Variants in WSCD1 observed in about 807,000 individuals in gnomAD.
The protein encoded by WSCD1 is WSC domain sialate O sulfotransferase 1.
Under a neutral mutation model 60.4 loss-of-function variants are expected in WSCD1, and 41 were observed. That is an observed-to-expected ratio of 0.68 (90% CI 0.53 to 0.88). The LOEUF (loss-of-function observed/expected upper bound fraction) is 0.88, where lower values mean the gene tolerates loss of function less well. Ranked by LOEUF, WSCD1 falls within the 40% of genes least tolerant of loss-of-function variation. The pLI is 0.00. For missense variants in WSCD1, 784 were observed against 796.2 expected, an observed-to-expected ratio of 0.98 and a Z score of 0.18; for synonymous variants, 361 against 332.5, an observed-to-expected ratio of 1.09 and a Z score of -0.93.
At chr17:6,086,321 A>G (rs189642690) in intron 2 of WSCD1, among the ~76,000 whole-genome samples, 423 of 145,896 alleles carry the variant, frequency 2.9e-3, no homozygotes, top group African/African-American at 0.011. Context: ...GATAATAAAT[A>G]GTACTATAAT....
chr17:6,087,433 A>G (rs1182716926), intron 2 of WSCD1, among the ~76,000 whole-genome samples: 1 of 152,222 alleles, frequency 6.6e-6, no homozygotes, highest in African/African-American at 2.4e-5. Flanking sequence ...CTCTGCGGAC[A>G]CACTCCAGAG....
chr17:6,109,670 A>T lies in WSCD1; in HGVS notation c.913A>T (p.Asn305Tyr), dbSNP rs1417188984. ...CTGTGCTTACCCTACCCCCCGGTTC[A>T]ACCTGCGGGATGCCATGGACAGCTC... Reference protein sequence around the residue: ...CYCAYPTPRFNLRDAMDSSVC... With the variant: ...CYCAYPTPRFYLRDAMDSSVC... Residue 305 changes from asparagine (N) to tyrosine (Y), a missense_variant, in exon 6 of 9, where the codon AAC (asparagine) becomes TAC (tyrosine). Asn to Tyr is a moderately radical substitution (Grantham distance 143). Transcript: ENST00000317744. The T allele has an allele frequency of 6.2e-7, 1 of 1,614,152 alleles. No individual in the cohort carries two copies. The highest frequency in any genetic ancestry group is 1.7e-5 in the Admixed American group (1 of 60,024).
intron 5 of WSCD1, 28 bp downstream of exon 5, chr17:6,095,251 C>T (rs546781290): frequency 6.2e-7 from 1 of 1,606,196 alleles, no homozygotes; most frequent in South Asian, 1.1e-5. Context: ...TTTCACAACC[C>T]TTTCCTTTAA....
rs968609070 is a variant in WSCD1, at chr17:6,091,680, G to C, written c.727+1175G>C. Among the ~76,000 whole-genome samples the C allele has an allele frequency of 2.0e-5, 3 of 152,202 alleles. 1 individual carries two copies. Among genetic ancestry groups the C allele is most frequent in the Non-Finnish European group, 4.4e-5 (3 of 68,036 alleles). Reference sequence around the variant, plus strand: ...GGCCATTCTTTTCATGGCTGGGAGAGGCAGATTGGGAAGGAGTCAGAGCCT... The same window carrying C: ...GGCCATTCTTTTCATGGCTGGGAGACGCAGATTGGGAAGGAGTCAGAGCCT... On this transcript the variant is annotated intron_variant, in intron 4 of 8. Transcript: ENST00000317744.
At position 6,110,691 on chromosome 17, in the gene WSCD1, G is replaced by T. The variant is rs972842866; in HGVS notation, c.1010-80G>T. The T allele has an allele frequency of 2.0e-5, 30 of 1,494,836 alleles. No individual in the cohort carries two copies. Among genetic ancestry groups the T allele is most frequent in the Non-Finnish European group, 2.6e-5 (29 of 1,110,364 alleles). The allele number at this position is 1,494,836 out of a possible 1,614,324, so 92.6% of individuals were successfully genotyped here. On this transcript the variant is annotated intron_variant, in intron 6 of 8. Coordinates refer to ENST00000317744, the MANE Select transcript of WSCD1 (RefSeq NM_015253.2). This position sits in a 1 kb window ranked among gnomAD's most constrained non-coding sequence, Gnocchi z 4.8. ...ATTAAATGGGAGTCTTCGTTCATCA[G>T]TTCCTCTAAGGGAGTTTAGTGGTGA...
chr17:6,097,405 C>T (rs1910510055), intron 5 of WSCD1, among the ~76,000 whole-genome samples: 1 of 152,258 alleles, frequency 6.6e-6, no homozygotes, highest in South Asian at 2.1e-4. Flanking sequence ...ATGTCTACTT[C>T]CAGAGAGACT....
At chr17:6,092,142 A>C (rs1278043976) in intron 4 of WSCD1, among the ~76,000 whole-genome samples, 2 of 137,168 alleles carry the variant, frequency 1.5e-5, no homozygotes, top group Admixed American at 1.5e-4. Flanking sequence ...CGACAGAGTG[A>C]GACTCTGTCT....
intron 7 of WSCD1, among the ~76,000 whole-genome samples, chr17:6,112,180 A>T (rs1056069910): frequency 6.6e-6 from 1 of 152,240 alleles, no homozygotes; most frequent in African/African-American, 2.4e-5. Context: ...AAAAGCAAGA[A>T]CAAGCCAATC....
Position 6,118,163 on chromosome 17 carries a change from A to C in WSCD1, c.1350A>C (p.Ala450=). Residue 450 remains alanine, a synonymous_variant, in exon 8 of 9, where the codon GCA becomes GCC. Coordinates refer to ENST00000317744, the MANE Select transcript of WSCD1 (RefSeq NM_015253.2). This position sits in a 1 kb window ranked among gnomAD's most constrained non-coding sequence, Gnocchi z 5.8. ...AATGTGCCGGGCACCTGGGATATGC[A>C]GCTGACCGCAACTGGAAGAGCAAAG... ...NRKCAGHLGY[A]ADRNWKSKEW... is the part of the protein sequence containing the mutation. The C allele has an allele frequency of 6.2e-7, 1 of 1,614,134 alleles. No homozygotes were observed. The highest frequency in any genetic ancestry group is 8.5e-7 in the Non-Finnish European group (1 of 1,180,008).
In WSCD1 at chr17:6,124,089, C is replaced by T. The variant is rs560586147; in HGVS notation, c.*3428C>T. 6.6e-6 allele frequency: 1 copy of T among 152,298 alleles called. No homozygotes were observed. Among genetic ancestry groups the T allele is most frequent in the African/African-American group, 2.4e-5 (1 of 41,560 alleles). The allele number at this position is 152,298 out of a possible 1,614,324, so 9.4% of individuals were successfully genotyped here. ...CCAATGACACCTTCCATCTTTCCAG[C>T]TATGGTGACTGGGTTAGGTATGATC... is the stretch of plus-strand genomic sequence containing the variant. On this transcript the variant is annotated 3_prime_UTR_variant, in exon 9 of 9. Coordinates refer to ENST00000317744, the MANE Select transcript of WSCD1 (RefSeq NM_015253.2).
chr17:6,075,796 C>T lies in WSCD1; in HGVS notation c.-288-4575C>T, dbSNP rs1017146309. ...GGGATAGAACCCCTCTAGCCTCCCC[C>T]TGAAGCACTCTGCAGGGTTCCAAGA... is the stretch of plus-strand genomic sequence containing the variant. On this transcript the variant is annotated intron_variant, in intron 1 of 8. Transcript: ENST00000317744. The surrounding 1 kb of genome is among the most constrained non-coding windows in gnomAD (Gnocchi z 4.1). Among the ~76,000 whole-genome samples, 4 of 152,308 alleles carry T rather than the reference C, an allele frequency of 2.6e-5. No homozygotes were observed. The highest frequency in any genetic ancestry group is 3.4e-3 in the Middle Eastern group (1 of 292).
upstream of WSCD1, among the ~76,000 whole-genome samples, chr17:6,069,774 GGTGTGTGTGT>G (rs746125445): frequency 2.5e-4 from 27 of 106,586 alleles, no homozygotes; most frequent in African/African-American, 9.0e-4. Flanking sequence ...ACGGTGATCC[GGTGTGTGTGT>G]GTGTGTGTGT....
intron 1 of WSCD1, chr17:6,078,067 ATG>A: frequency 6.6e-6 from 1 of 152,382 alleles, no homozygotes; most frequent in Middle Eastern, 3.4e-3. Context: ...GGCTTCATCC[ATG>A]GCTCTGGGTA....
chr17:6,080,147 T>A lies in WSCD1; in HGVS notation c.-288-224T>A, dbSNP rs1909130127. The A allele has an allele frequency of 6.2e-6, 1 of 160,380 alleles. No individual in the cohort carries two copies. The highest frequency in any genetic ancestry group is 2.4e-5 in the African/African-American group (1 of 41,514). The allele number at this position is 160,380 out of a possible 1,614,324, so 9.9% of individuals were successfully genotyped here. A position where few individuals can be genotyped will look rare whatever the true frequency, so the allele number is the denominator to read the frequency against. ...CTCAAGGGGAGAGCTGTTGTCCCCA[T>A]TTTACAGATGGGGAAGCTGAGGCCC... On this transcript the variant is annotated intron_variant, in intron 1 of 8. Coordinates refer to ENST00000317744, the MANE Select transcript of WSCD1 (RefSeq NM_015253.2). This position sits in a 1 kb window ranked among gnomAD's most constrained non-coding sequence, Gnocchi z 6.6.
At chr17:6,108,856 G>A (rs1300553694) in intron 5 of WSCD1, among the ~76,000 whole-genome samples, 1 of 152,216 alleles carries the variant, frequency 6.6e-6, no homozygotes, top group Non-Finnish European at 1.5e-5. Context: ...CACAGAGTGA[G>A]ACGACTCCTC....
At chr17:6,120,277 C>G in intron 8 of WSCD1, 32 bp from the exon 9 acceptor site, 1 of 1,595,148 alleles carries the variant, frequency 6.3e-7, no homozygotes, top group Non-Finnish European at 8.6e-7. Context: ...GGGCCAGCCC[C>G]CGACTCTGCA....
At chr17:6,069,230 C>T, upstream of WSCD1, 1 of 398,774 alleles carries the variant, frequency 2.5e-6, no homozygotes, top group African/African-American at 2.1e-5. Flanking sequence ...TCCACCGGTG[C>T]ACATGGCAGA....
intron 1 of WSCD1, among the ~76,000 whole-genome samples, chr17:6,076,079 G>A (rs1017056848): frequency 2.6e-5 from 4 of 152,182 alleles, no homozygotes; most frequent in East Asian, 1.9e-4. Flanking sequence ...GTGTGAAACC[G>A]GAGCTGGGAT....
chr17:6,086,272 T>C (rs990761141), intron 2 of WSCD1, among the ~76,000 whole-genome samples: 2 of 143,496 alleles, frequency 1.4e-5, no homozygotes, highest in Non-Finnish European at 1.5e-5. Context: ...TATATATATA[T>C]ATACTTATGT....
Sources: gnomAD v4.1 joint callset for allele counts (sites outside exome capture counted in the v4.1 genomes callset) on GRCh38, gnomAD v4.1.1 for gene constraint, Gnocchi (gnomAD v3.1) non-coding constraint, MANE v1.5 for transcripts, NCBI Gene and HGNC (gene_info 2026-07-23, HGNC 2026-07-21) for gene names.